MYRIP: variants seen among roughly 807,000 people sequenced by gnomAD.
The protein encoded by MYRIP is myosin VIIA and Rab interacting protein.
A neutral mutation model predicts 98.0 loss-of-function variants in MYRIP; 49 were observed. The ratio of observed to expected loss-of-function variants is 0.50; its 90% CI spans 0.40 to 0.63. The LOEUF is 0.63. MYRIP is among the 30% of genes least tolerant of loss of function. The pLI, the probability that MYRIP is intolerant of heterozygous loss-of-function variation, is 0.00. For synonymous variants in MYRIP, 404 were observed against 409.5 expected (o/e 0.99, Z 0.16); for missense variants, 1,004 against 1,058.2 (o/e 0.95, Z 0.71).
At chr3:40,013,559 T>G (rs1017432696) in intron 2 of MYRIP, among the ~76,000 whole-genome samples, 1 of 152,244 alleles carries the variant, frequency 6.6e-6, no homozygotes, top group Non-Finnish European at 1.5e-5. Flanking sequence ...TTCTGTGGCA[T>G]CTCACCAACT....
chr3:40,191,323 C>T (rs2001439), intron 10 of MYRIP, among the ~76,000 whole-genome samples: 4,707 of 152,296 alleles, frequency 0.031, 88 homozygotes, highest in African/African-American at 0.058. Context: ...ACACCCTGCT[C>T]ATTCCCAGCC....
intron 2 of MYRIP, among the ~76,000 whole-genome samples, chr3:39,910,366 C>A (rs562491145): frequency 6.6e-6 from 1 of 152,152 alleles, no homozygotes; most frequent in Non-Finnish European, 1.5e-5. Context: ...CATTCAGGTG[C>A]CGTGGGATAG....
At chr3:40,182,456 C>A in intron 9 of MYRIP, 83 bp downstream of exon 9, 1 of 1,458,700 alleles carries the variant, frequency 6.9e-7, no homozygotes, top group Non-Finnish European at 9.3e-7. Context: ...CATGGCCACT[C>A]TGCTCTTCTT....
intron 3 of MYRIP, among the ~76,000 whole-genome samples, chr3:40,094,053 C>T (rs1948778556): frequency 6.6e-6 from 1 of 152,096 alleles, no homozygotes; most frequent in South Asian, 2.1e-4. Context: ...CCCTTCCCTC[C>T]CCCTTCACAT....
chr3:40,119,265 T>C (rs9868621), intron 3 of MYRIP, among the ~76,000 whole-genome samples: 77,889 of 151,518 alleles, frequency 0.51, 20,268 homozygotes, highest in Admixed American at 0.6. Context: ...TTTTAATGAT[T>C]GCCATTCTAA....
At chr3:40,119,799 G>A (rs1298668769) in intron 3 of MYRIP, among the ~76,000 whole-genome samples, 1 of 152,052 alleles carries the variant, frequency 6.6e-6, no homozygotes, top group Admixed American at 6.6e-5. Flanking sequence ...ATAGCATTAG[G>A]AGATATACCT....
intron 3 of MYRIP, among the ~76,000 whole-genome samples, chr3:40,094,964 A>G (rs1948798393): frequency 6.6e-6 from 1 of 152,122 alleles, no homozygotes; most frequent in Admixed American, 6.5e-5. Flanking sequence ...AACACTGAAC[A>G]AAGGTCCTCA....
intron 1 of MYRIP, among the ~76,000 whole-genome samples, chr3:39,817,480 T>A (rs998349239): frequency 6.6e-6 from 1 of 152,204 alleles, no homozygotes; most frequent in Admixed American, 6.5e-5. Context: ...AGAAGAAATA[T>A]GCTAGGAATA....
intron 1 of MYRIP, among the ~76,000 whole-genome samples, chr3:39,843,880 G>A (rs79575653): frequency 1.1e-3 from 167 of 152,302 alleles, no homozygotes; most frequent in East Asian, 0.011. Context: ...AGATAGATTA[G>A]GTCAGGACAG....
intron 8 of MYRIP, among the ~76,000 whole-genome samples, 187 bp from the exon 9 acceptor site, chr3:40,182,033 G>T (rs1196569797): frequency 6.6e-6 from 1 of 152,214 alleles, no homozygotes; most frequent in Non-Finnish European, 1.5e-5. Context: ...TGGCTGACTT[G>T]CAAGGGAATA....
At chr3:39,921,436 C>A (rs1457974784) in intron 2 of MYRIP, among the ~76,000 whole-genome samples, 1 of 152,152 alleles carries the variant, frequency 6.6e-6, no homozygotes, top group Non-Finnish European at 1.5e-5. Context: ...CACTGTGTTG[C>A]CTAAGTACAA....
At chr3:39,936,942 G>C (rs1160464560) in intron 2 of MYRIP, among the ~76,000 whole-genome samples, 2 of 152,122 alleles carry the variant, frequency 1.3e-5, no homozygotes, top group African/African-American at 4.8e-5. Flanking sequence ...CTTCACATTA[G>C]TTGTTATCCC....
intron 8 of MYRIP, 77 bp from the exon 9 acceptor site, chr3:40,182,143 G>A (rs550293976): frequency 9.2e-6 from 13 of 1,414,450 alleles, no homozygotes; most frequent in African/African-American, 1.5e-5. Context: ...GACAATGTCT[G>A]CCCCCAAAAG....
intron 1 of MYRIP, among the ~76,000 whole-genome samples, chr3:39,829,795 A>G (rs946800488): frequency 6.6e-6 from 1 of 152,194 alleles, no homozygotes; most frequent in Admixed American, 6.5e-5. Flanking sequence ...GAGTTGCTGT[A>G]TTGTAATATT....
At chr3:40,102,913 C>G (rs1007403203) in intron 3 of MYRIP, among the ~76,000 whole-genome samples, 6 of 151,896 alleles carry the variant, frequency 4.0e-5, no homozygotes, top group South Asian at 4.2e-4. Flanking sequence ...ACAGTACTAA[C>G]CCCTTCTACG....
chr3:39,841,225 C>A (rs565263360), intron 1 of MYRIP, among the ~76,000 whole-genome samples: 27 of 151,994 alleles, frequency 1.8e-4, no homozygotes, highest in Non-Finnish European at 2.9e-4. Flanking sequence ...TCGCTGATAT[C>A]TTTTCTTCTG....
chr3:39,870,112 G>A (rs1286894294), intron 1 of MYRIP, among the ~76,000 whole-genome samples: 1 of 152,198 alleles, frequency 6.6e-6, no homozygotes, highest in African/African-American at 2.4e-5. Flanking sequence ...AAGGGCAAGG[G>A]CAGGGGCAGG....
At chr3:40,152,191 G>A (rs1950138404) in intron 4 of MYRIP, among the ~76,000 whole-genome samples, 1 of 152,194 alleles carries the variant, frequency 6.6e-6, no homozygotes, top group African/African-American at 2.4e-5. Flanking sequence ...ATACTCTGTA[G>A]GAATGGAGGC....
rs1013034992 is a variant in MYRIP, at chr3:39,941,605, CATTAT to C, written c.110+40684_110+40688del. On this transcript the variant is annotated intron_variant, in intron 2 of 16. Coordinates refer to ENST00000302541, the MANE Select transcript of MYRIP (RefSeq NM_015460.4). ...TTCTATACAGTTTTTCCTCACTTAA[CATTAT>C]ATTAAACAGTATCCTGTATCATTAG... Among the ~76,000 whole-genome samples, 7 of 151,622 alleles carry C rather than the reference CATTAT, an allele frequency of 4.6e-5. 1 individual carries two copies. The highest frequency in any genetic ancestry group is 4.2e-4 in the South Asian group (2 of 4,808).
Sources: allele counts gnomAD v4.1 joint callset (sites outside exome capture counted in the v4.1 genomes callset), GRCh38; gene constraint gnomAD v4.1.1; transcripts MANE v1.5; gene names NCBI Gene and HGNC (gene_info 2026-07-23, HGNC 2026-07-21).